Variants in NKAIN2 observed in about 807,000 individuals in gnomAD.
The protein encoded by NKAIN2 is sodium/potassium-transporting ATPase subunit beta-1-interacting protein 2.
NKAIN2 carries 14 observed loss-of-function variants against 32.6 expected under a neutral mutation model. The observed-to-expected ratio is 0.43, with a 90% CI of 0.28 to 0.67. The LOEUF is 0.67. Ranked by LOEUF, NKAIN2 falls within the 30% of genes least tolerant of loss-of-function variation. The probability of loss-of-function intolerance (pLI) is 0.17; values close to 1 mark genes in which losing one functional copy is unlikely to be tolerated. For missense variants in NKAIN2, 198 were observed against 258.3 expected, an observed-to-expected ratio of 0.77 and a Z score of 1.60; for synonymous variants, 80 against 87.2, an observed-to-expected ratio of 0.92 and a Z score of 0.46.
intron 2 of NKAIN2, among the ~76,000 whole-genome samples, chr6:124,326,502 T>G (rs1797418027): frequency 1.3e-5 from 2 of 151,970 alleles, no homozygotes; most frequent in African/African-American, 4.8e-5. Flanking sequence ...TTCAAAAGGT[T>G]ATCTCCTCAA....
chr6:123,873,925 C>T (rs1562232851), intron 1 of NKAIN2, among the ~76,000 whole-genome samples: 1 of 149,314 alleles, frequency 6.7e-6, no homozygotes, highest in African/African-American at 2.6e-5. Context: ...TGCCCTTTTC[C>T]TGTTTGTTTA....
intron 4 of NKAIN2, among the ~76,000 whole-genome samples, chr6:124,684,634 T>C (rs1773776797): frequency 6.6e-6 from 1 of 152,150 alleles, no homozygotes; most frequent in African/African-American, 2.4e-5. Flanking sequence ...ATGGGTTTCT[T>C]CTAGCCAAGA....
rs560883998 is a variant in NKAIN2 at position 124,258,837 on chromosome 6, A to G, written c.55-24168A>G. On this transcript the variant is annotated intron_variant, in intron 1 of 6. Transcript: ENST00000368417. The stretch of plus-strand genomic sequence containing the variant: ...ACTGGTGGCAAATTTAACCTTAGTC[A>G]TTAGGGGAAGTACTCTCTTCCCTAT... 1.9e-3 allele frequency among the ~76,000 whole-genome samples: 288 copies of G among 152,316 alleles called. 1 individual carries two copies. The highest frequency in any genetic ancestry group is 0.01 in the Middle Eastern group (3 of 294).
chr6:124,218,381 T>A (rs1438194485), intron 1 of NKAIN2, among the ~76,000 whole-genome samples: 1 of 152,194 alleles, frequency 6.6e-6, no homozygotes, highest in Non-Finnish European at 1.5e-5. Context: ...CTGATAAAGA[T>A]GATGAAACAA....
chr6:124,421,906 A>G (rs1774771382), intron 3 of NKAIN2, among the ~76,000 whole-genome samples: 1 of 152,160 alleles, frequency 6.6e-6, no homozygotes, highest in Admixed American at 6.5e-5. Context: ...CCCTTCTCGC[A>G]TCTGCTGTTT....
intron 1 of NKAIN2, among the ~76,000 whole-genome samples, chr6:124,165,258 C>T (rs1436282560): frequency 6.6e-6 from 1 of 151,716 alleles, no homozygotes; most frequent in African/African-American, 2.4e-5. Flanking sequence ...AATAGTTTTC[C>T]CAAATTAGAA....
chr6:124,639,793 G>A (rs1327679445), intron 3 of NKAIN2, among the ~76,000 whole-genome samples: 1 of 152,144 alleles, frequency 6.6e-6, no homozygotes, highest in African/African-American at 2.4e-5. Flanking sequence ...TCTCATAGAA[G>A]TGGAGAGTAG....
intron 3 of NKAIN2, among the ~76,000 whole-genome samples, chr6:124,620,329 T>C (rs1003170501): frequency 6.6e-6 from 1 of 152,240 alleles, no homozygotes; most frequent in Non-Finnish European, 1.5e-5. Flanking sequence ...AAACCTCATC[T>C]ATGCAAGTAA....
intron 5 of NKAIN2, among the ~76,000 whole-genome samples, chr6:124,812,530 G>A (rs796968254): frequency 3.9e-5 from 6 of 152,236 alleles, no homozygotes; most frequent in African/African-American, 9.6e-5. Flanking sequence ...TATACATCAG[G>A]TAGAAATAGG....
chr6:124,318,674 A>T (rs1271525549), intron 2 of NKAIN2, among the ~76,000 whole-genome samples: 4 of 152,082 alleles, frequency 2.6e-5, no homozygotes, highest in Non-Finnish European at 5.9e-5. Context: ...TGAAAGAATT[A>T]TGCATTTCTG....
At chr6:124,658,552 C>T (rs1378323083) in intron 4 of NKAIN2, 166 bp downstream of exon 4, 1 of 1,448,916 alleles carries the variant, frequency 6.9e-7, no homozygotes, top group Non-Finnish European at 9.1e-7. Context: ...CTAAACCATC[C>T]TCTGGACTTA....
intron 1 of NKAIN2, among the ~76,000 whole-genome samples, chr6:123,911,335 G>A (rs546062254): frequency 6.6e-6 from 1 of 152,204 alleles, no homozygotes; most frequent in East Asian, 1.9e-4. Flanking sequence ...GCCTCAGGAA[G>A]CTTCCACTCA....
At chr6:124,102,330 A>G (rs2114951822) in intron 1 of NKAIN2, among the ~76,000 whole-genome samples, 1 of 152,316 alleles carries the variant, frequency 6.6e-6, no homozygotes, top group South Asian at 2.1e-4. Context: ...TTCTGACTTC[A>G]TTCCAGGCTT....
chr6:123,956,462 G>C (rs1777597023), intron 1 of NKAIN2, among the ~76,000 whole-genome samples: 1 of 152,170 alleles, frequency 6.6e-6, no homozygotes, highest in Non-Finnish European at 1.5e-5. Context: ...CACACATAGA[G>C]GAATGGCTGT....
chr6:124,039,980 C>T (rs1355223931), intron 1 of NKAIN2, among the ~76,000 whole-genome samples: 1 of 151,924 alleles, frequency 6.6e-6, no homozygotes, highest in East Asian at 1.9e-4. Context: ...CCACCCTCAC[C>T]ACCCTCAACA....
At chr6:123,904,371 A>G (rs1774753919) in intron 1 of NKAIN2, among the ~76,000 whole-genome samples, 1 of 152,252 alleles carries the variant, frequency 6.6e-6, no homozygotes, top group African/African-American at 2.4e-5. Flanking sequence ...TCAGGGCATA[A>G]TGCCAGGTCA....
At chr6:123,840,170 G>A (rs937992140) in intron 1 of NKAIN2, among the ~76,000 whole-genome samples, 2 of 152,038 alleles carry the variant, frequency 1.3e-5, no homozygotes, top group South Asian at 2.1e-4. Context: ...ATGTGCATGT[G>A]TTAGTCTGTA....
intron 1 of NKAIN2, among the ~76,000 whole-genome samples, chr6:124,095,062 G>T (rs1784595845): frequency 6.6e-6 from 1 of 152,180 alleles, no homozygotes; most frequent in South Asian, 2.1e-4. Flanking sequence ...AAAATGTGGT[G>T]AAGAATTTAG....
intron 4 of NKAIN2, among the ~76,000 whole-genome samples, chr6:124,697,730 A>C (rs1016905393): frequency 6.6e-6 from 1 of 152,208 alleles, no homozygotes; most frequent in Non-Finnish European, 1.5e-5. Flanking sequence ...CTATAAAGCA[A>C]ACATTAGGTA....
Sources: allele counts gnomAD v4.1 joint callset (sites outside exome capture counted in the v4.1 genomes callset), GRCh38; gene constraint gnomAD v4.1.1; transcripts MANE v1.5; gene names NCBI Gene and HGNC (gene_info 2026-07-23, HGNC 2026-07-21).